The following FGFR2 variants were observed in gnomAD, a reference collection of about 807,000 sequenced individuals.
The protein encoded by FGFR2 is BEK fibroblast growth factor receptor.
A neutral mutation model predicts 95.9 loss-of-function variants in FGFR2; 19 were observed. The observed-to-expected ratio is 0.20, with a 90% CI of 0.14 to 0.29. The LOEUF (loss-of-function observed/expected upper bound fraction) is 0.29. FGFR2 is among the 10% of genes least tolerant of loss of function. The probability of loss-of-function intolerance (pLI) is 1.00; values close to 1 mark genes in which losing one functional copy is unlikely to be tolerated. For synonymous variants in FGFR2, 392 were observed against 393.3 expected (o/e 1.00, Z 0.04); for missense variants, 707 against 1,056.9 (o/e 0.67, Z 4.59).
At position 121,499,995 on chromosome 10, in the gene FGFR2, C is replaced by T. The variant is rs74160615; in HGVS notation, c.1561+831G>A. Among the ~76,000 whole-genome samples, 388 of 152,350 alleles carry T rather than the reference C, an allele frequency of 2.5e-3. 1 individual carries two copies. The highest frequency in any genetic ancestry group is 9.0e-3 in the African/African-American group (373 of 41,592). ...ACAAAGCCTAACTCCAGAGCGCCTG[C>T]GACATGCCCAGCACCATATCCCAAG... is the stretch of plus-strand genomic sequence containing the variant. On this transcript the variant is annotated intron_variant, in intron 11 of 17. Coordinates refer to ENST00000358487, the MANE Select transcript of FGFR2 (RefSeq NM_000141.5).
rs772849279 is a variant in FGFR2, at chr10:121,498,471, A to T, written c.1672+24T>A. 5.6e-6 allele frequency: 8 copies of T among 1,416,388 alleles called. No individual in the cohort carries two copies. The African/African-American group carries it at 9.9e-5, about 17-fold the overall frequency. 87.7% of individuals were successfully genotyped at this position (1,416,388 alleles called of 1,614,324 possible). A position where few individuals can be genotyped will look rare whatever the true frequency, so the allele number is the denominator to read the frequency against. ...AATCAAACTGCAGAGTATTTGGGCGAATGCAGTTTTTCCTCCTACTCACCA... is the reference window on the plus strand; with the variant it reads ...AATCAAACTGCAGAGTATTTGGGCGTATGCAGTTTTTCCTCCTACTCACCA... On this transcript the variant is annotated intron_variant, in intron 12 of 17. Transcript: ENST00000358487.
At chr10:121,494,114 ATT>A (rs1336078348) in intron 13 of FGFR2, among the ~76,000 whole-genome samples, 3 of 151,876 alleles carry the variant, frequency 2.0e-5, no homozygotes, top group Non-Finnish European at 4.4e-5. Context: ...AGTGAGAGGC[ATT>A]TTTGAAGCAC....
intron 11 of FGFR2, among the ~76,000 whole-genome samples, chr10:121,499,069 C>T (rs1404135041): frequency 6.6e-6 from 1 of 152,288 alleles, no homozygotes; most frequent in Non-Finnish European, 1.5e-5. Context: ...TGGGTTCAGA[C>T]GGTTCCCCAT....
Position 121,523,547 on chromosome 10 carries a change from G to A in FGFR2, c.749-3378C>T, listed in dbSNP as rs368045656. Among the ~76,000 whole-genome samples the A allele has an allele frequency of 1.5e-4, 23 of 152,320 alleles. No homozygotes were observed. The South Asian group carries it at 4.8e-3, about 32-fold the overall frequency. On this transcript the variant is annotated intron_variant, in intron 6 of 17. Coordinates refer to ENST00000358487, the MANE Select transcript of FGFR2 (RefSeq NM_000141.5). ...CCTACCAAGAGACTTCACAGCACGA[G>A]GGGAAGCTGTCCTCTGGGCTAGATC...
chr10:121,565,755 G>C, intron 2 of FGFR2, 51 bp from the exon 3 acceptor site: 1 of 1,606,694 alleles, frequency 6.2e-7, no homozygotes, highest in Non-Finnish European at 8.5e-7. Context: ...AGGAGGGAGA[G>C]GAGAGAACGT....
intron 14 of FGFR2, 71 bp from the exon 15 acceptor site, chr10:121,487,495 CT>C: frequency 5.5e-6 from 7 of 1,266,446 alleles, no homozygotes; most frequent in Non-Finnish European, 6.8e-6. Flanking sequence ...CTCAATAGGG[CT>C]ATGCCCTGTT....
intron 9 of FGFR2, among the ~76,000 whole-genome samples, chr10:121,506,389 T>C (rs1848283742): frequency 1.4e-5 from 2 of 143,946 alleles, no homozygotes; most frequent in African/African-American, 5.1e-5. Context: ...GGCCTAGCAA[T>C]GGGACGACTT....
intron 2 of FGFR2, among the ~76,000 whole-genome samples, chr10:121,590,446 C>G (rs1227331720): frequency 3.3e-5 from 5 of 152,144 alleles, no homozygotes; most frequent in Non-Finnish European, 7.4e-5. Flanking sequence ...CCCTTCGAGT[C>G]AATAACCATG....
chr10:121,528,272 C>A (rs2912769), intron 6 of FGFR2, among the ~76,000 whole-genome samples: 139,473 of 152,252 alleles, frequency 0.92, 65,147 homozygotes, highest in East Asian at 1. Context: ...CAGATGCCCA[C>A]TAAATAAGTG....
chr10:121,552,914 C>G (rs142570167), intron 4 of FGFR2, among the ~76,000 whole-genome samples: 66 of 152,206 alleles, frequency 4.3e-4, no homozygotes, highest in Non-Finnish European at 8.2e-4. Context: ...GCAAAATGGC[C>G]CTAGGCAGGG....
chr10:121,596,894 T>C (rs2135526292), intron 1 of FGFR2, among the ~76,000 whole-genome samples: 1 of 152,132 alleles, frequency 6.6e-6, no homozygotes, highest in Non-Finnish European at 1.5e-5. Flanking sequence ...CTGATTGCTT[T>C]TCTATTCAAA....
At chr10:121,490,778 T>C (rs1159748351) in intron 13 of FGFR2, among the ~76,000 whole-genome samples, 1 of 152,164 alleles carries the variant, frequency 6.6e-6, no homozygotes, top group Admixed American at 6.5e-5. Context: ...ATCCCTGAAA[T>C]ATAAATAAGG....
At chr10:121,514,290 T>C (rs1042085443) in intron 9 of FGFR2, among the ~76,000 whole-genome samples, 14 of 152,216 alleles carry the variant, frequency 9.2e-5, no homozygotes, top group African/African-American at 3.4e-4. Context: ...CTTCCATCTC[T>C]GTGAATAAGC....
chr10:121,487,589 A>C lies in FGFR2; in HGVS notation c.1987-165T>G, dbSNP rs74500478. On this transcript the variant is annotated intron_variant, in intron 14 of 17. Coordinates refer to ENST00000358487, the MANE Select transcript of FGFR2 (RefSeq NM_000141.5). Reference sequence around the variant, plus strand: ...ATGAGGACCATGAACAATGTGTGAGATGCACAGGTCTGGGCCGTTAATAAA... The same window carrying C: ...ATGAGGACCATGAACAATGTGTGAGCTGCACAGGTCTGGGCCGTTAATAAA... 4.9e-3 allele frequency among the ~76,000 whole-genome samples: 739 copies of C among 152,364 alleles called. 7 individuals are homozygous for C. The highest frequency in any genetic ancestry group is 0.017 in the African/African-American group (701 of 41,590).
chr10:121,571,815 T>C (rs901529524), intron 2 of FGFR2, among the ~76,000 whole-genome samples: 14 of 151,692 alleles, frequency 9.2e-5, no homozygotes, highest in African/African-American at 2.7e-4. Flanking sequence ...TGGTGGCGCA[T>C]GCCTATAGTC....
At chr10:121,574,452 C>A (rs969371578) in intron 2 of FGFR2, among the ~76,000 whole-genome samples, 1 of 152,044 alleles carries the variant, frequency 6.6e-6, no homozygotes, top group Non-Finnish European at 1.5e-5. Context: ...TTGCTTGAAT[C>A]CGGGAGGCGG....
chr10:121,501,879 A>G (rs568666042), intron 10 of FGFR2, among the ~76,000 whole-genome samples: 9 of 152,322 alleles, frequency 5.9e-5, no homozygotes, highest in African/African-American at 1.4e-4. Context: ...AAAATGGCTA[A>G]TTTATGTCCC....
chr10:121,540,607 C>A (rs904985381), intron 5 of FGFR2, among the ~76,000 whole-genome samples: 1 of 152,172 alleles, frequency 6.6e-6, no homozygotes, highest in Non-Finnish European at 1.5e-5. Flanking sequence ...AAAGGAGACC[C>A]TCCCTTCACC....
In FGFR2 at chr10:121,551,315, T is replaced by C. The variant is rs1855375577; in HGVS notation, c.599A>G (p.Gln200Arg). 6.2e-7 allele frequency: 1 copy of C among 1,614,142 alleles called. No individual in the cohort carries two copies. Among genetic ancestry groups the C allele is most frequent in the Non-Finnish European group, 8.5e-7 (1 of 1,180,056 alleles). The change falls in exon 5 of 18, where the codon CAG (glutamine) becomes CGG (arginine). Residue 200 changes from glutamine (Q) to arginine (R), a missense_variant. Gln to Arg is a conservative substitution (Grantham distance 43). Coordinates refer to ENST00000358487, the MANE Select transcript of FGFR2 (RefSeq NM_000141.5). ...CTTGTAGCCTCCAATGCGATGCTCC[T>C]GCTTAAACTCCTTCCCGTTTTTCAG... The part of the protein sequence containing the change: ...RWLKNGKEFK[Q>R]EHRIGGYKVR...
Sources: allele counts gnomAD v4.1 joint callset (sites outside exome capture counted in the v4.1 genomes callset), GRCh38; gene constraint gnomAD v4.1.1; transcripts MANE v1.5; gene names NCBI Gene and HGNC (gene_info 2026-07-23, HGNC 2026-07-21).